The following POMGNT2 variants were observed in gnomAD, a reference collection of about 807,000 sequenced individuals.
The protein encoded by POMGNT2 is protein O-linked mannose N-acetylglucosaminyltransferase 2 (beta 1,4-), also known as protein O-linked-mannose beta-1,4-N-acetylglucosaminyltransferase 2.
In POMGNT2, 32 loss-of-function variants were observed where a neutral mutation model predicts 37.8. That is an observed-to-expected ratio of 0.85 (90% CI 0.64 to 1.14). POMGNT2 has a LOEUF of 1.14. POMGNT2 is among the 50% of genes most tolerant of loss of function. The pLI is 0.00. For missense variants in POMGNT2, 705 were observed against 780.6 expected, an observed-to-expected ratio of 0.90 and a Z score of 1.15; for synonymous variants, 340 against 336.8, an observed-to-expected ratio of 1.01 and a Z score of -0.10.
At chr3:43,087,297 A>C (rs1019903088) in intron 1 of POMGNT2, among the ~76,000 whole-genome samples, 1 of 152,208 alleles carries the variant, frequency 6.6e-6, no homozygotes, top group African/African-American at 2.4e-5. Flanking sequence ...ATTCATTTGA[A>C]AAAGGGGTTC....
rs2089851635 is a variant in POMGNT2 at position 43,081,196 on chromosome 3, C to T, written c.236G>A (p.Cys79Tyr). The T allele has an allele frequency of 2.5e-6, 4 of 1,614,176 alleles. No homozygotes were observed. Among genetic ancestry groups the T allele is most frequent in the Non-Finnish European group, 3.4e-6 (4 of 1,180,038 alleles). Reference sequence around the variant, plus strand: ...GGAGTAGCAGAGCCACTTGAAGCGGCAGATGCGGTCTGTGTGCGTGCGGCC... The same window carrying T: ...GGAGTAGCAGAGCCACTTGAAGCGGTAGATGCGGTCTGTGTGCGTGCGGCC... ...CTGRTHTDRICRFKWLCYSNE... is the reference protein window; with the variant it reads ...CTGRTHTDRIYRFKWLCYSNE... The change falls in exon 2 of 2, where the codon TGC becomes TAC. Residue 79 changes from cysteine to tyrosine, a missense_variant. Coordinates refer to ENST00000344697, the MANE Select transcript of POMGNT2 (RefSeq NM_032806.6).
chr3:43,088,182 G>A (rs989117227), intron 1 of POMGNT2: 5 of 152,218 alleles, frequency 3.3e-5, no homozygotes, highest in Admixed American at 1.3e-4. Flanking sequence ...AAAACATTTT[G>A]GACATACGTG....
chr3:43,084,588 T>A (rs1192623456), intron 1 of POMGNT2, among the ~76,000 whole-genome samples: 1 of 150,050 alleles, frequency 6.7e-6, no homozygotes, highest in Admixed American at 6.7e-5. Context: ...GAGCTTGCAG[T>A]GAGCCGAGAT....
intron 1 of POMGNT2, among the ~76,000 whole-genome samples, chr3:43,091,268 TA>T (rs35779506): frequency 3.3e-5 from 5 of 149,942 alleles, no homozygotes; most frequent in South Asian, 4.2e-4. Context: ...GTAAAAGTAT[TA>T]AAAAAAAAAT....
intron 1 of POMGNT2, among the ~76,000 whole-genome samples, chr3:43,093,533 G>A (rs1363305128): frequency 6.6e-6 from 1 of 152,218 alleles, no homozygotes; most frequent in African/African-American, 2.4e-5. Context: ...TTTTGCTGGG[G>A]ATGGACAGAG....
rs888324645 is a variant in POMGNT2, at chr3:43,098,231, C to T, written c.-106+7605G>A. Among the ~76,000 whole-genome samples, 1 of 152,204 alleles carries T rather than the reference C, an allele frequency of 6.6e-6. No homozygotes were observed. Among genetic ancestry groups the T allele is most frequent in the Non-Finnish European group, 1.5e-5 (1 of 68,036 alleles). ...TTTGTCCTAAATGCAGCCTGAAGTA[C>T]TAGTGCTAGATTGTGGAAGCTTTCA... On this transcript the variant is annotated intron_variant, in intron 1 of 1. Transcript: ENST00000344697. This position sits in a 1 kb window ranked among gnomAD's most constrained non-coding sequence, Gnocchi z 4.3.
chr3:43,091,962 G>T (rs1329847979), intron 1 of POMGNT2, among the ~76,000 whole-genome samples: 1 of 152,222 alleles, frequency 6.6e-6, no homozygotes, highest in Admixed American at 6.5e-5. Context: ...CAGGGCTAAG[G>T]TCATAAAAGA....
chr3:43,082,701 G>A (rs951231073), intron 1 of POMGNT2, among the ~76,000 whole-genome samples: 1 of 152,218 alleles, frequency 6.6e-6, no homozygotes, highest in Admixed American at 6.5e-5. Flanking sequence ...GGGAGTAGCT[G>A]CTCCTTTATT....
intron 1 of POMGNT2, among the ~76,000 whole-genome samples, chr3:43,102,195 C>T (rs1013196398): frequency 1.3e-5 from 2 of 152,192 alleles, no homozygotes; most frequent in Non-Finnish European, 2.9e-5. Flanking sequence ...GCCATGATTC[C>T]TGCCACAAAC....
chr3:43,088,242 A>C (rs911271072), intron 1 of POMGNT2, among the ~76,000 whole-genome samples: 4 of 152,230 alleles, frequency 2.6e-5, no homozygotes, highest in African/African-American at 9.6e-5. Flanking sequence ...TGAGGCAGGC[A>C]CTGTCACTTT....
At chr3:43,099,870 C>G (rs893876584) in intron 1 of POMGNT2, among the ~76,000 whole-genome samples, 1 of 152,118 alleles carries the variant, frequency 6.6e-6, no homozygotes, top group Admixed American at 6.5e-5. Flanking sequence ...ATGATATTAT[C>G]ATAGCTAAGA....
In POMGNT2 at chr3:43,079,898, G is replaced by C. The variant is rs570521050; in HGVS notation, c.1534C>G (p.Leu512Val). 4 of 1,614,160 alleles carry C rather than the reference G, an allele frequency of 2.5e-6. No homozygotes were observed. In the African/African-American group the frequency reaches 5.3e-5, roughly 22 times the overall value. Residue 512 changes from leucine to valine, a missense_variant, in exon 2 of 2, where the codon CTT (leucine) becomes GTT (valine). Coordinates refer to ENST00000344697, the MANE Select transcript of POMGNT2 (RefSeq NM_032806.6). ...ACCTCCCTCACCTTCAGGTATTTAA[G>C]GTTCCATGGGATCTGCCAGGAGACA... ...LTVSWQIPWN[L>V]KYLKVREVKY...
intron 1 of POMGNT2, among the ~76,000 whole-genome samples, chr3:43,090,766 C>T (rs79814130): frequency 0.012 from 1,791 of 152,200 alleles, 19 homozygotes; most frequent in Non-Finnish European, 0.02. Context: ...GGGAGACCAC[C>T]CTGAGATCCT....
Position 43,088,912 on chromosome 3 carries a change from T to C in POMGNT2, c.-105-7376A>G, listed in dbSNP as rs116185356. Among the ~76,000 whole-genome samples the C allele has an allele frequency of 4.3e-3, 653 of 152,338 alleles. 3 individuals are homozygous for C. The highest frequency in any genetic ancestry group is 6.4e-3 in the Non-Finnish European group (436 of 68,032). The stretch of plus-strand genomic sequence containing the variant: ...ATTTTGGCTTCCCACAGCCAGAACA[T>C]TCCAACTGGTATGGAGGGAGAACTT... On this transcript the variant is annotated intron_variant, in intron 1 of 1. Transcript: ENST00000344697.
At chr3:43,084,447 C>A (rs1428940491) in intron 1 of POMGNT2, among the ~76,000 whole-genome samples, 1 of 152,086 alleles carries the variant, frequency 6.6e-6, no homozygotes, top group Non-Finnish European at 1.5e-5. Flanking sequence ...AGTTCGAGAC[C>A]ACCCTGGCTA....
At chr3:43,093,706 G>A (rs1263019374) in intron 1 of POMGNT2, among the ~76,000 whole-genome samples, 1 of 152,154 alleles carries the variant, frequency 6.6e-6, no homozygotes, top group Non-Finnish European at 1.5e-5. Flanking sequence ...TTTGAGACAT[G>A]TTCTACACTG....
Position 43,081,189 on chromosome 3 carries a change from G to C in POMGNT2, c.243C>G (p.Phe81Leu), listed in dbSNP as rs373382346. The C allele has an allele frequency of 6.7e-5, 108 of 1,614,090 alleles. No individual in the cohort carries two copies. The highest frequency in any genetic ancestry group is 8.9e-5 in the Non-Finnish European group (105 of 1,180,052). ...GRTHTDRICR[F>L]KWLCYSNEAE... ...CCTCGTTGGAGTAGCAGAGCCACTT[G>C]AAGCGGCAGATGCGGTCTGTGTGCG... Residue 81 changes from phenylalanine to leucine, a missense_variant, in exon 2 of 2, where the codon TTC becomes TTG. Transcript: ENST00000344697.
Position 43,091,248 on chromosome 3 carries a change from G to A in POMGNT2, c.-105-9712C>T, listed in dbSNP as rs114480461. Among the ~76,000 whole-genome samples the A allele has an allele frequency of 2.2e-3, 316 of 146,738 alleles. 1 individual carries two copies. Among genetic ancestry groups the A allele is most frequent in the African/African-American group, 7.3e-3 (298 of 40,686 alleles). On this transcript the variant is annotated intron_variant, in intron 1 of 1. Transcript: ENST00000344697. Reference sequence around the variant, plus strand: ...CAAGACAAGCTTGGAACATTTTGTAGTGCCAGAATGTAAAAGTATTAAAAA... The same window carrying A: ...CAAGACAAGCTTGGAACATTTTGTAATGCCAGAATGTAAAAGTATTAAAAA...
chr3:43,082,236 G>A (rs149152954), intron 1 of POMGNT2, among the ~76,000 whole-genome samples: 84 of 152,316 alleles, frequency 5.5e-4, no homozygotes, highest in African/African-American at 1.9e-3. Context: ...AGAACAACTG[G>A]CATTGGAGAT....
Sources: allele counts gnomAD v4.1 joint callset (sites outside exome capture counted in the v4.1 genomes callset), GRCh38; gene constraint gnomAD v4.1.1; non-coding constraint Gnocchi (gnomAD v3.1); transcripts MANE v1.5; gene names NCBI Gene and HGNC (gene_info 2026-07-23, HGNC 2026-07-21).